The following BUB1 variants were observed in gnomAD, a reference collection of about 807,000 sequenced individuals.
BUB1 encodes the protein BUB1 mitotic checkpoint serine/threonine kinase.
BUB1 carries 84 observed loss-of-function variants against 135.2 expected under a neutral mutation model. The observed-to-expected ratio is 0.62, with a 90% CI of 0.52 to 0.74. The LOEUF is 0.74. Ranked by LOEUF, BUB1 falls within the 30% of genes least tolerant of loss-of-function variation. BUB1 has a pLI of 0.00. For missense variants in BUB1, 1,162 were observed against 1,288.3 expected (o/e 0.90, Z 1.50); for synonymous variants, 403 against 434.4 (o/e 0.93, Z 0.90).
At position 110,661,740 on chromosome 2, in the gene BUB1, C is replaced by A. The variant is rs780152061; in HGVS notation, c.1059G>T (p.Lys353Asn). ...TYQQTPVNME[K>N]NPREAPPVVP... ...CAACAGGAGGTGCCTCTCTTGGGTT[C>A]TTTTCCATGTTCACTGGTGTCTGCT... Residue 353 changes from lysine to asparagine, a missense_variant, in exon 10 of 25, where the codon AAG becomes AAT. Lys to Asn is a moderately conservative substitution (Grantham distance 94, BLOSUM62 0). Coordinates refer to ENST00000302759, the MANE Select transcript of BUB1 (RefSeq NM_004336.5). 1.2e-6 allele frequency: 2 copies of A among 1,614,218 alleles called. No homozygotes were observed. The highest frequency in any genetic ancestry group is 1.7e-6 in the Non-Finnish European group (2 of 1,180,030).
intron 18 of BUB1, 28 bp downstream of exon 18, chr2:110,650,518 G>C (rs1434379896): frequency 1.2e-6 from 2 of 1,600,282 alleles, no homozygotes; most frequent in African/African-American, 1.3e-5. Context: ...CCTGATTCAA[G>C]GGCATAACAA....
In BUB1 at chr2:110,667,586, G is replaced by C; in HGVS notation, c.740C>G (p.Ser247Ter). The C allele has an allele frequency of 6.2e-7, 1 of 1,613,900 alleles. No homozygotes were observed. The highest frequency in any genetic ancestry group is 1.7e-5 in the Admixed American group (1 of 59,952). The change falls in exon 8 of 25, where the codon TCA becomes TGA. Residue 247 changes from serine to a stop codon, truncating the protein, a stop_gained. Coordinates refer to ENST00000302759, the MANE Select transcript of BUB1 (RefSeq NM_004336.5). LOFTEE classifies it high-confidence loss of function. ...TCTCAATTCTTCAAAGGAAAATTCT[G>C]ATTCCCCACGAATAAGCTTCTCCTT... ...YCKEKLIRGE[S>*]EFSFEELRAQ... is the part of the protein sequence containing the mutation.
At chr2:110,671,424 A>AT (rs1207244167) in intron 4 of BUB1, among the ~76,000 whole-genome samples, 3 of 152,106 alleles carry the variant, frequency 2.0e-5, no homozygotes, top group African/African-American at 7.2e-5. Context: ...TATTATACTA[A>AT]TTTTTTCTTT....
intron 17 of BUB1, among the ~76,000 whole-genome samples, chr2:110,653,107 T>G (rs1188456157): frequency 6.6e-6 from 1 of 152,228 alleles, no homozygotes; most frequent in Non-Finnish European, 1.5e-5. Flanking sequence ...TGTGACAGTT[T>G]CTTAGTCTTT....
chr2:110,646,119 G>A (rs1172330766), intron 19 of BUB1, among the ~76,000 whole-genome samples: 1 of 144,888 alleles, frequency 6.9e-6, no homozygotes, highest in African/African-American at 2.6e-5. Context: ...ATGGATTGAG[G>A]TCAGAAGTTC....
intron 23 of BUB1, among the ~76,000 whole-genome samples, chr2:110,640,267 TC>T (rs942956569): frequency 5.9e-5 from 9 of 152,000 alleles, no homozygotes; most frequent in African/African-American, 2.2e-4. Context: ...CCCATCCACA[TC>T]CACAGGATAG....
In BUB1 at chr2:110,641,058, G is replaced by A. The variant is rs554794458; in HGVS notation, c.2931C>T (p.Leu977=). ...CCTGGTAGTTCCATGGTTTGTTGCT[G>A]AGCATCTCAACACACTGAAAACCAG... ...ETSGFQCVEM[L]SNKPWNYQID... Residue 977 remains leucine (L), a synonymous_variant, in exon 23 of 25, where the codon CTC becomes CTT. Transcript: ENST00000302759. 2 of 1,592,374 alleles carry A rather than the reference G, an allele frequency of 1.3e-6. No individual in the cohort carries two copies. Among genetic ancestry groups the A allele is most frequent in the South Asian group, 2.3e-5 (2 of 86,270 alleles).
chr2:110,677,652 T>G lies in BUB1; in HGVS notation c.26+318A>C, dbSNP rs187347177. 1.0e-3 allele frequency among the ~76,000 whole-genome samples: 156 copies of G among 152,322 alleles called. 2 individuals carry two copies. Among genetic ancestry groups the G allele is most frequent in the Middle Eastern group, 3.4e-3 (1 of 294 alleles). On this transcript the variant is annotated intron_variant, in intron 1 of 24. Transcript: ENST00000302759. The stretch of plus-strand genomic sequence containing the variant: ...AAAATCTAAACACAAGGTTCAGGAT[T>G]TTTGTTAGGTTGAACTGTCAGGAGG...
Position 110,653,525 on chromosome 2 carries a change from TGAAA to T in BUB1, c.1877-6_1877-3del, listed in dbSNP as rs751222756. 20 of 1,613,368 alleles carry T rather than the reference TGAAA, an allele frequency of 1.2e-5. No homozygotes were observed. In the South Asian group the frequency reaches 2.1e-4, roughly 17 times the overall value. On this transcript the variant is annotated splice_region_variant and splice_polypyrimidine_tract_variant and intron_variant, in intron 16 of 24. Transcript: ENST00000302759. ...TACACTGTTTTGCTACCACATTTTC[TGAAA>T]GATTCAAAAATTAGAGACAAGATAT...
rs375904895 is a variant in BUB1, at chr2:110,653,425, C to A, written c.1964+11G>T. 2.5e-5 allele frequency: 40 copies of A among 1,610,098 alleles called. No homozygotes were observed. The highest frequency in any genetic ancestry group is 3.3e-5 in the Non-Finnish European group (39 of 1,176,930). ...AAGAGAATGGCAGAACCAAATAAACCCTCACAATACCTGAATTTTCCATCC... is the reference window on the plus strand; with the variant it reads ...AAGAGAATGGCAGAACCAAATAAACACTCACAATACCTGAATTTTCCATCC... On this transcript the variant is annotated intron_variant, in intron 17 of 24. Coordinates refer to ENST00000302759, the MANE Select transcript of BUB1 (RefSeq NM_004336.5).
chr2:110,676,885 TTC>T (rs558948342), intron 1 of BUB1, among the ~76,000 whole-genome samples: 33 of 152,284 alleles, frequency 2.2e-4, no homozygotes, highest in Middle Eastern at 3.4e-3. Flanking sequence ...GTTCTAAATC[TTC>T]TTTTAGTCAT....
chr2:110,641,428 C>T lies in BUB1; in HGVS notation c.2662G>A (p.Val888Met). The change falls in exon 22 of 25, where the codon GTG becomes ATG. Residue 888 changes from valine to methionine, a missense_variant. Coordinates refer to ENST00000302759, the MANE Select transcript of BUB1 (RefSeq NM_004336.5). ...GAGATGACAAGACCTTGAGGCATCA[C>T]TTTTTCAGGGGTATTTTTATAGAGG... Reference protein sequence around the residue: ...INLYKNTPEKVMPQGLVISFA... With the variant: ...INLYKNTPEKMMPQGLVISFA... The T allele has an allele frequency of 1.2e-6, 2 of 1,613,426 alleles. No individual in the cohort carries two copies. Among genetic ancestry groups the T allele is most frequent in the South Asian group, 1.1e-5 (1 of 90,820 alleles).
intron 4 of BUB1, among the ~76,000 whole-genome samples, chr2:110,671,102 G>T (rs186783825): frequency 6.6e-6 from 1 of 152,174 alleles, no homozygotes; most frequent in African/African-American, 2.4e-5. Context: ...ATTTCTGAGC[G>T]ATGCGAGCCA....
In BUB1 at chr2:110,637,865, A is replaced by G. The variant is rs908709416; in HGVS notation, c.*99T>C. On this transcript the variant is annotated 3_prime_UTR_variant, in exon 25 of 25. Transcript: ENST00000302759. The stretch of plus-strand genomic sequence containing the variant: ...AAATATTCCATGGGATTTATTTTTA[A>G]CAAACATTTACATAAACAATAAATG... The G allele has an allele frequency of 1.1e-5, 10 of 872,526 alleles. No individual in the cohort carries two copies. The highest frequency in any genetic ancestry group is 9.6e-6 in the Non-Finnish European group (6 of 622,762). 54.0% of individuals were successfully genotyped at this position (872,526 alleles called of 1,614,324 possible).
intron 16 of BUB1, 50 bp downstream of exon 16, chr2:110,655,689 A>G: frequency 7.0e-7 from 1 of 1,430,112 alleles, no homozygotes; most frequent in South Asian, 1.6e-5. Flanking sequence ...AAGAAAACTG[A>G]AAGAATCAAA....
chr2:110,666,655 AAATAAT>A (rs1031860377), intron 8 of BUB1, among the ~76,000 whole-genome samples: 2 of 152,054 alleles, frequency 1.3e-5, no homozygotes, highest in East Asian at 1.9e-4. Context: ...TGCTGATCAA[AAATAAT>A]AATAATAGCA....
At position 110,657,599 on chromosome 2, in the gene BUB1, A is replaced by C. The variant is rs772858438; in HGVS notation, c.1563T>G (p.Ser521=). The change falls in exon 14 of 25, where the codon TCT becomes TCG. Residue 521 remains serine, a synonymous_variant. Transcript: ENST00000302759. ...ACACATGAAAAGCAGATGACAAAGA[A>C]GAGATGATCTTATTGACTCCCCAAG... is the stretch of plus-strand genomic sequence containing the variant. ...SGAWGVNKII[S]SLSSAFHVFE... 1 of 1,608,152 alleles carries C rather than the reference A, an allele frequency of 6.2e-7. No individual in the cohort carries two copies. The highest frequency in any genetic ancestry group is 8.5e-7 in the Non-Finnish European group (1 of 1,177,122).
chr2:110,665,977 A>G, intron 9 of BUB1: 1 of 269,792 alleles, frequency 3.7e-6, no homozygotes, highest in Non-Finnish European at 6.8e-6. Flanking sequence ...AATTTTCATT[A>G]CACAATAGTC....
chr2:110,660,499 A>G (rs547365520), intron 10 of BUB1, among the ~76,000 whole-genome samples: 25 of 152,326 alleles, frequency 1.6e-4, no homozygotes, highest in African/African-American at 5.1e-4. Context: ...TAAAATACAG[A>G]TGGAACTACT....
Sources: gnomAD v4.1 joint callset for allele counts (sites outside exome capture counted in the v4.1 genomes callset) on GRCh38, gnomAD v4.1.1 for gene constraint, MANE v1.5 for transcripts, NCBI Gene and HGNC (gene_info 2026-07-23, HGNC 2026-07-21) for gene names.